Variants in CFAP221 observed in about 807,000 individuals in gnomAD.
CFAP221 encodes the protein cilia and flagella associated protein 221, also known as cilia- and flagella-associated protein 221.
In CFAP221, 97 loss-of-function variants were observed where a neutral mutation model predicts 113.1. That is an observed-to-expected ratio of 0.86 (90% CI 0.73 to 1.02). The LOEUF (loss-of-function observed/expected upper bound fraction) is 1.02, where lower values mean the gene tolerates loss of function less well. CFAP221 is among the 50% of genes least tolerant of loss of function. CFAP221 has a pLI of 0.00. For missense variants in CFAP221, 1,025 were observed against 1,013.4 expected (o/e 1.01, Z -0.16); for synonymous variants, 331 against 354.4 (o/e 0.93, Z 0.74).
chr2:119,560,615 G>A (rs1256362353), intron 5 of CFAP221, among the ~76,000 whole-genome samples: 3 of 152,044 alleles, frequency 2.0e-5, no homozygotes, highest in Non-Finnish European at 4.4e-5. Context: ...CTATAGTCCA[G>A]ACCCCAGTCT....
intron 6 of CFAP221, among the ~76,000 whole-genome samples, chr2:119,573,629 G>A (rs192131002): frequency 1.3e-5 from 2 of 152,312 alleles, no homozygotes; most frequent in East Asian, 1.9e-4. Flanking sequence ...CCAGGAGTTC[G>A]AGGATGTAGT....
At chr2:119,575,622 T>C (rs1682391331) in intron 6 of CFAP221, among the ~76,000 whole-genome samples, 1 of 152,116 alleles carries the variant, frequency 6.6e-6, no homozygotes, top group South Asian at 2.1e-4. Flanking sequence ...TTAATGAATA[T>C]AGCATTTCAG....
intron 6 of CFAP221, among the ~76,000 whole-genome samples, chr2:119,566,544 T>C (rs548320601): frequency 6.6e-6 from 1 of 151,952 alleles, no homozygotes; most frequent in African/African-American, 2.4e-5. Flanking sequence ...CTTCTCTGCC[T>C]TAGCATGAGT....
chr2:119,562,736 G>A (rs1369117365), intron 6 of CFAP221, among the ~76,000 whole-genome samples: 1 of 152,184 alleles, frequency 6.6e-6, no homozygotes, highest in Non-Finnish European at 1.5e-5. Flanking sequence ...TATACTAAAA[G>A]TCTGTCCCTA....
intron 6 of CFAP221, among the ~76,000 whole-genome samples, chr2:119,583,939 GT>G (rs1012697894): frequency 2.0e-5 from 3 of 152,194 alleles, no homozygotes; most frequent in African/African-American, 7.2e-5. Context: ...CTCCAGAACT[GT>G]GAGGAATAAA....
chr2:119,572,291 G>A (rs17049373), intron 6 of CFAP221, among the ~76,000 whole-genome samples: 28,721 of 152,086 alleles, frequency 0.19, 2,892 homozygotes, highest in African/African-American at 0.25. Context: ...TCTGTGGGGT[G>A]CAGAGGACTT....
intron 7 of CFAP221, among the ~76,000 whole-genome samples, chr2:119,600,977 A>G (rs774652136): frequency 1.3e-5 from 2 of 152,268 alleles, no homozygotes; most frequent in African/African-American, 4.8e-5. Flanking sequence ...TAAATAATAC[A>G]TATAACATAT....
At chr2:119,626,514 C>A (rs1236779194) in intron 15 of CFAP221, among the ~76,000 whole-genome samples, 1 of 152,078 alleles carries the variant, frequency 6.6e-6, no homozygotes, top group Non-Finnish European at 1.5e-5. Flanking sequence ...TTCTTGTCAC[C>A]AGAGACTAGG....
chr2:119,562,168 C>T, intron 6 of CFAP221, 54 bp downstream of exon 6: 1 of 1,211,432 alleles, frequency 8.3e-7, no homozygotes, highest in South Asian at 1.3e-5. Flanking sequence ...CTAAGAGATA[C>T]TCATACAAAA....
intron 7 of CFAP221, among the ~76,000 whole-genome samples, chr2:119,595,611 GGGCATCAGACACTGGTATA>G (rs1486735690): frequency 1.1e-4 from 16 of 152,238 alleles, no homozygotes; most frequent in African/African-American, 3.6e-4. Context: ...AGCGCCTGCT[GGGCATCAGACACTGGTATA>G]GGCATTGGGT....
chr2:119,586,273 C>G (rs1238030573), intron 6 of CFAP221, among the ~76,000 whole-genome samples: 3 of 152,070 alleles, frequency 2.0e-5, no homozygotes, highest in African/African-American at 7.2e-5. Context: ...CAAGGGGACC[C>G]AATAACCTGC....
chr2:119,600,118 C>T (rs1234644718), intron 7 of CFAP221, among the ~76,000 whole-genome samples: 1 of 152,190 alleles, frequency 6.6e-6, no homozygotes, highest in Admixed American at 6.5e-5. Flanking sequence ...GAAGTCAGAA[C>T]ATTCGTCCTC....
chr2:119,605,069 A>G (rs1449018335), intron 10 of CFAP221, 82 bp downstream of exon 10: 2 of 1,494,672 alleles, frequency 1.3e-6, no homozygotes, highest in Non-Finnish European at 1.9e-6. Flanking sequence ...ACCTATGAAC[A>G]ACAAAATTCA....
At chr2:119,574,141 T>C (rs1682261149) in intron 6 of CFAP221, among the ~76,000 whole-genome samples, 1 of 152,212 alleles carries the variant, frequency 6.6e-6, no homozygotes, top group Admixed American at 6.5e-5. Flanking sequence ...TACTCTGCTC[T>C]CCTCCCCTAG....
At chr2:119,610,976 G>A (rs974883052) in intron 12 of CFAP221, among the ~76,000 whole-genome samples, 39 of 152,062 alleles carry the variant, frequency 2.6e-4, no homozygotes, top group African/African-American at 8.5e-4. Flanking sequence ...AAGAAAAAGG[G>A]CCCAGGCGTC....
intron 12 of CFAP221, among the ~76,000 whole-genome samples, 181 bp from the exon 13 acceptor site, chr2:119,611,472 T>G (rs1010373885): frequency 2.0e-5 from 3 of 148,426 alleles, no homozygotes; most frequent in Non-Finnish European, 3.0e-5. Context: ...CGATAAGAGC[T>G]CCCTATGTTT....
At position 119,572,668 on chromosome 2, in the gene CFAP221, G is replaced by A. The variant is rs535847373; in HGVS notation, c.527+10554G>A. On this transcript the variant is annotated intron_variant, in intron 6 of 23. Transcript: ENST00000413369. ...AGATGACTTTAACCAATTGGTTAGCGTGCTCTAGACAAACCTGCCTGAAAC... is the reference window on the plus strand; with the variant it reads ...AGATGACTTTAACCAATTGGTTAGCATGCTCTAGACAAACCTGCCTGAAAC... 28 of 672,392 alleles carry A rather than the reference G, an allele frequency of 4.2e-5. 1 individual carries two copies. The highest frequency in any genetic ancestry group is 2.9e-4 in the Admixed American group (14 of 48,580). The allele number at this position is 672,392 out of a possible 1,614,324, so 41.7% of individuals were successfully genotyped here. A position where few individuals can be genotyped will look rare whatever the true frequency, so the allele number is the denominator to read the frequency against.
At chr2:119,636,812 A>C (rs969303463) in intron 19 of CFAP221, among the ~76,000 whole-genome samples, 1 of 152,210 alleles carries the variant, frequency 6.6e-6, no homozygotes, top group South Asian at 2.1e-4. Context: ...TCATGGGGTG[A>C]CCACTGAGAC....
intron 7 of CFAP221, among the ~76,000 whole-genome samples, chr2:119,591,290 T>C (rs1227272313): frequency 6.6e-6 from 1 of 152,154 alleles, no homozygotes; most frequent in Non-Finnish European, 1.5e-5. Context: ...ATATATGAGA[T>C]GCAAATGAGT....
Sources: allele counts gnomAD v4.1 joint callset (sites outside exome capture counted in the v4.1 genomes callset), GRCh38; gene constraint gnomAD v4.1.1; transcripts MANE v1.5; gene names NCBI Gene and HGNC (gene_info 2026-07-23, HGNC 2026-07-21).